DNAH17: variants seen among roughly 807,000 people sequenced by gnomAD.
DNAH17 encodes dynein axonemal heavy chain 17.
A neutral mutation model predicts 485.6 loss-of-function variants in DNAH17; 376 were observed. The ratio of observed to expected loss-of-function variants is 0.77; its 90% CI spans 0.71 to 0.84. The LOEUF (loss-of-function observed/expected upper bound fraction) is 0.84. Ranked by LOEUF, DNAH17 falls within the 40% of genes least tolerant of loss-of-function variation. The probability of loss-of-function intolerance (pLI) is 0.00; values close to 1 mark genes in which losing one functional copy is unlikely to be tolerated. For synonymous variants in DNAH17, 3,031 were observed against 2,405.9 expected (o/e 1.26, Z -7.60); for missense variants, 6,370 against 5,839.3 (o/e 1.09, Z -2.96).
chr17:78,544,442 G>A (rs370804248), intron 16 of DNAH17, among the ~76,000 whole-genome samples: 1 of 152,172 alleles, frequency 6.6e-6, no homozygotes. Context: ...GCCGACAAGG[G>A]TGGGAAAGGG....
At chr17:78,544,056 G>T (rs1332058143) in intron 16 of DNAH17, 59 bp from the exon 17 acceptor site, 3 of 1,607,788 alleles carry the variant, frequency 1.9e-6, no homozygotes, top group Non-Finnish European at 2.6e-6. Flanking sequence ...TTCAGTCGCA[G>T]TCCTTTGCTG....
Position 78,514,898 on chromosome 17 carries a change from C to A in DNAH17, c.3989G>T (p.Trp1330Leu), listed in dbSNP as rs2090740100. The A allele has an allele frequency of 1.2e-6, 2 of 1,614,056 alleles. No individual in the cohort carries two copies. The highest frequency in any genetic ancestry group is 2.2e-5 in the South Asian group (2 of 91,088). ...GTTGTCGAGCCCCACGAAGGCATCCCAGGTTTTCATCTCCTTGTCCAAAGA... is the reference window on the plus strand; with the variant it reads ...GTTGTCGAGCCCCACGAAGGCATCCAAGGTTTTCATCTCCTTGTCCAAAGA... ...MRSLDKEMKT[W>L]DAFVGLDNTV... Residue 1330 changes from tryptophan (W) to leucine (L), a missense_variant, in exon 26 of 81, where the codon TGG becomes TTG. By Grantham distance (61) the Trp-to-Leu change is moderately conservative. Coordinates refer to ENST00000389840, the MANE Select transcript of DNAH17 (RefSeq NM_173628.4).
chr17:78,500,854 G>A (rs1183602239), intron 35 of DNAH17: 6 of 242,688 alleles, frequency 2.5e-5, no homozygotes, highest in East Asian at 8.9e-5. Context: ...AACCACAACC[G>A]TGGAGCAGAG....
rs2091678693 is a variant in DNAH17 at position 78,543,963 on chromosome 17, T to C, written c.2426A>G (p.Asp809Gly). The C allele has an allele frequency of 6.2e-7, 1 of 1,614,030 alleles. No individual in the cohort carries two copies. Among genetic ancestry groups the C allele is most frequent in the Non-Finnish European group, 8.5e-7 (1 of 1,179,898 alleles). Residue 809 changes from aspartate (D) to glycine (G), a missense_variant, in exon 17 of 81, where the codon GAC (aspartate) becomes GGC (glycine). Coordinates refer to ENST00000389840, the MANE Select transcript of DNAH17 (RefSeq NM_173628.4). The part of the protein sequence containing the change: ...WSANPLFERK[D>G]NKKEALLDLD... Reference sequence around the variant, plus strand: ...GTCTAACAGGGCCTCTTTCTTATTGTCCTTTCTTTCAAACAGCGGGTTGGC... The same window carrying C: ...GTCTAACAGGGCCTCTTTCTTATTGCCCTTTCTTTCAAACAGCGGGTTGGC...
chr17:78,560,683 A>G, intron 13 of DNAH17, 57 bp downstream of exon 13: 2 of 1,482,944 alleles, frequency 1.3e-6, no homozygotes, highest in Middle Eastern at 2.4e-4. Context: ...GAACCTTGGC[A>G]GGCCCTCCCC....
At chr17:78,475,925 C>T in intron 52 of DNAH17, 92 bp from the exon 53 acceptor site, 1 of 1,416,170 alleles carries the variant, frequency 7.1e-7, no homozygotes, top group East Asian at 2.4e-5. Context: ...GCCAAGGTGG[C>T]CTAGGAGGTC....
At position 78,451,529 on chromosome 17, in the gene DNAH17, G is replaced by A. The variant is rs534057406; in HGVS notation, c.10674C>T (p.Leu3558=). Residue 3558 remains leucine (L), a synonymous_variant, in exon 66 of 81, where the codon CTC becomes CTT. Transcript: ENST00000389840. ...LINFLVTRDG[L]EDQLLAAVVA... ...CCACAGCGGCCAAGAGTTGGTCCTC[G>A]AGTCCATCCCTGGTGACCAGGAAGT... 310 of 1,613,800 alleles carry A rather than the reference G, an allele frequency of 1.9e-4. 2 individuals are homozygous for A. The Admixed American group carries it at 2.5e-3, about 13-fold the overall frequency.
In DNAH17 at chr17:78,554,804, T is replaced by C. The variant is rs188812690; in HGVS notation, c.2179-1999A>G. Among the ~76,000 whole-genome samples the C allele has an allele frequency of 1.6e-3, 245 of 152,352 alleles. 1 individual carries two copies. Among genetic ancestry groups the C allele is most frequent in the Admixed American group, 8.5e-3 (130 of 15,304 alleles). The stretch of plus-strand genomic sequence containing the variant: ...CTCTGCCACCCAGGCTGGAGTGCAG[T>C]GGCGTGATCTTGGCTCACTGCAACC... On this transcript the variant is annotated intron_variant, in intron 14 of 80. Transcript: ENST00000389840.
At position 78,484,092 on chromosome 17, in the gene DNAH17, CCTCA is replaced by C. The variant is rs1432100434; in HGVS notation, c.7649+772_7649+775del. 5.1e-3 allele frequency among the ~76,000 whole-genome samples: 409 copies of C among 80,778 alleles called. 1 individual carries two copies. Among genetic ancestry groups the C allele is most frequent in the African/African-American group, 0.023 (381 of 16,230 alleles). The allele number at this position is 80,778 out of a possible 152,430, so 53.0% of individuals were successfully genotyped here. On this transcript the variant is annotated intron_variant, in intron 48 of 80. Coordinates refer to ENST00000389840, the MANE Select transcript of DNAH17 (RefSeq NM_173628.4). ...GCCTGAGAGACAGAGCGAGATTTCTCCTCAAAAAAAAAAAAAAAAAAAAAAAAAA... is the reference window on the plus strand; with the variant it reads ...GCCTGAGAGACAGAGCGAGATTTCTCAAAAAAAAAAAAAAAAAAAAAAAAA...
At position 78,497,296 on chromosome 17, in the gene DNAH17, G is replaced by A. The variant is rs375879287; in HGVS notation, c.5746-1264C>T. 5.3e-5 allele frequency among the ~76,000 whole-genome samples: 8 copies of A among 152,192 alleles called. No homozygotes were observed. In the South Asian group the frequency reaches 1.2e-3, roughly 24 times the overall value. The stretch of plus-strand genomic sequence containing the variant: ...CCACTTGAGGGGGCCCAATACTCGC[G>A]GTAAAGCTGCTCCCAGCACCTGCCT... On this transcript the variant is annotated intron_variant, in intron 37 of 80. Transcript: ENST00000389840.
chr17:78,570,348 G>GCA lies in DNAH17; in HGVS notation c.941_942dup (p.Leu315CysfsTer35). On this transcript the variant is annotated frameshift_variant, in exon 7 of 81. Transcript: ENST00000389840. LOFTEE classifies it high-confidence loss of function. The stretch of plus-strand genomic sequence containing the variant: ...GCCCAGATGAAGCAGATGGTGTCCA[G>GCA]CACCTTGGCAATGAAGGTGGGGAGC... The GCA allele has an allele frequency of 6.2e-7, 1 of 1,610,648 alleles. No homozygotes were observed. The highest frequency in any genetic ancestry group is 8.5e-7 in the Non-Finnish European group (1 of 1,178,822).
chr17:78,530,111 C>G (rs1357435053), intron 21 of DNAH17, among the ~76,000 whole-genome samples: 1 of 152,236 alleles, frequency 6.6e-6, no homozygotes, highest in African/African-American at 2.4e-5. Context: ...ATCTGGCACC[C>G]GGACAGAGCA....
rs145776125 is a variant in DNAH17, at chr17:78,467,221, C to A, written c.8779-405G>T. On this transcript the variant is annotated intron_variant, in intron 55 of 80. Coordinates refer to ENST00000389840, the MANE Select transcript of DNAH17 (RefSeq NM_173628.4). ...CTAATTCCCAGAAAGGGCAGGGAGT[C>A]CCTGGGATCCCAGCTGGAGAAGGTG... Among the ~76,000 whole-genome samples the A allele has an allele frequency of 4.9e-3, 750 of 152,332 alleles. 6 individuals carry two copies. The highest frequency in any genetic ancestry group is 0.017 in the African/African-American group (703 of 41,580).
At chr17:78,476,926 G>C (rs4969208) in intron 51 of DNAH17, among the ~76,000 whole-genome samples, 193 bp from the exon 52 acceptor site, 1 of 152,172 alleles carries the variant, frequency 6.6e-6, no homozygotes, top group East Asian at 1.9e-4. Context: ...GCCAGTGTGT[G>C]TGTGTGTCCT....
chr17:78,519,838 G>A (rs1258457342), intron 25 of DNAH17, among the ~76,000 whole-genome samples: 1 of 152,208 alleles, frequency 6.6e-6, no homozygotes, highest in Non-Finnish European at 1.5e-5. Context: ...GGCCGGGCAT[G>A]GTGGCTCACG....
chr17:78,555,621 G>T (rs1186637379), intron 14 of DNAH17, among the ~76,000 whole-genome samples: 1 of 151,260 alleles, frequency 6.6e-6, no homozygotes, highest in Non-Finnish European at 1.5e-5. Flanking sequence ...GCACAAGTTG[G>T]AGTGATGTGC....
intron 19 of DNAH17, among the ~76,000 whole-genome samples, chr17:78,535,318 C>A (rs1426347212): frequency 1.3e-5 from 2 of 152,202 alleles, no homozygotes; most frequent in Non-Finnish European, 2.9e-5. Context: ...TTGCTGCTTG[C>A]ACTTGGGCCT....
intron 37 of DNAH17, among the ~76,000 whole-genome samples, chr17:78,498,307 C>T (rs1037642156): frequency 5.3e-5 from 8 of 152,336 alleles, no homozygotes; most frequent in Non-Finnish European, 1.2e-4. Flanking sequence ...ACACCGCCAA[C>T]GCCCTGACTT....
At position 78,454,389 on chromosome 17, in the gene DNAH17, T is replaced by C. The variant is rs2087695412; in HGVS notation, c.10406+81A>G. ...GTACTTGTATTGAAAGACCCACCCATCCATTGAACCAATATGGAATGCCTA... is the reference window on the plus strand; with the variant it reads ...GTACTTGTATTGAAAGACCCACCCACCCATTGAACCAATATGGAATGCCTA... On this transcript the variant is annotated intron_variant, in intron 64 of 80. Transcript: ENST00000389840. The C allele has an allele frequency of 5.6e-6, 6 of 1,081,074 alleles. No individual in the cohort carries two copies. In the Admixed American group the frequency reaches 9.3e-5, roughly 17 times the overall value. 67.0% of individuals were successfully genotyped at this position (1,081,074 alleles called of 1,614,324 possible). A position where few individuals can be genotyped will look rare whatever the true frequency, so the allele number is the denominator to read the frequency against.
Sources: allele counts gnomAD v4.1 joint callset (sites outside exome capture counted in the v4.1 genomes callset), GRCh38; gene constraint gnomAD v4.1.1; transcripts MANE v1.5; gene names NCBI Gene and HGNC (gene_info 2026-07-23, HGNC 2026-07-21).